Variants in SHB observed in about 807,000 individuals in gnomAD.
SHB encodes SH2 domain-containing adapter protein B.
In SHB, 20 loss-of-function variants were observed where a neutral mutation model predicts 52.3. The ratio of observed to expected loss-of-function variants is 0.38; its 90% CI spans 0.27 to 0.56. The LOEUF (loss-of-function observed/expected upper bound fraction) is 0.56, where lower values mean the gene tolerates loss of function less well. SHB is among the 20% of genes least tolerant of loss of function. The probability of loss-of-function intolerance (pLI) is 0.71; values close to 1 mark genes in which losing one functional copy is unlikely to be tolerated. For missense variants in SHB, 825 were observed against 723.3 expected (o/e 1.14, Z -1.61); for synonymous variants, 397 against 316.5 (o/e 1.25, Z -2.70).
At chr9:38,022,449 G>A (rs1415317980) in intron 1 of SHB, among the ~76,000 whole-genome samples, 1 of 152,228 alleles carries the variant, frequency 6.6e-6, no homozygotes, top group Non-Finnish European at 1.5e-5. Context: ...GAGAATGATG[G>A]CCTGGGGCTC....
At chr9:37,930,446 A>T (rs1005612910) in intron 5 of SHB, among the ~76,000 whole-genome samples, 1 of 151,916 alleles carries the variant, frequency 6.6e-6, no homozygotes, top group African/African-American at 2.4e-5. Context: ...CAGGGAGGGG[A>T]GAGGGGAAGG....
In SHB at chr9:37,927,852, G is replaced by A. The variant is rs557778873; in HGVS notation, c.1347-7848C>T. On this transcript the variant is annotated intron_variant, in intron 5 of 5. Transcript: ENST00000377707. ...GTGGAAACTGCAAGGAGGGCTGGAC[G>A]CAGAAGCGGAGGGGGATGGTGAAAT... Among the ~76,000 whole-genome samples the A allele has an allele frequency of 4.6e-5, 7 of 152,298 alleles. 1 individual carries two copies. The South Asian group carries it at 8.3e-4, about 18-fold the overall frequency.
intron 1 of SHB, among the ~76,000 whole-genome samples, chr9:38,051,328 A>G (rs1318852937): frequency 6.6e-6 from 1 of 151,902 alleles, no homozygotes; most frequent in Non-Finnish European, 1.5e-5. Context: ...CTGTAATCTC[A>G]GCTACTCGGG....
At chr9:37,963,543 G>C (rs1412274902) in intron 3 of SHB, among the ~76,000 whole-genome samples, 1 of 152,182 alleles carries the variant, frequency 6.6e-6, no homozygotes, top group African/African-American at 2.4e-5. Context: ...CAGAGTCAAG[G>C]TGCCCAAGGC....
intron 1 of SHB, among the ~76,000 whole-genome samples, chr9:38,065,864 T>C (rs903822788): frequency 2.6e-5 from 4 of 152,166 alleles, no homozygotes; most frequent in Admixed American, 2.0e-4. Context: ...TGCAGTTCCC[T>C]GAAGCACAGG....
At chr9:37,963,706 G>A (rs1283082347) in intron 3 of SHB, among the ~76,000 whole-genome samples, 1 of 152,280 alleles carries the variant, frequency 6.6e-6, no homozygotes, top group East Asian at 1.9e-4. Flanking sequence ...GCGACCCCAG[G>A]AAGGGGCAAG....
intron 1 of SHB, among the ~76,000 whole-genome samples, chr9:38,030,393 T>C (rs1220088423): frequency 6.6e-6 from 1 of 152,206 alleles, no homozygotes; most frequent in Non-Finnish European, 1.5e-5. Context: ...ACTGCTGCGA[T>C]TCCTCCCACT....
chr9:37,951,940 T>C (rs1196410052), intron 4 of SHB, among the ~76,000 whole-genome samples: 1 of 152,182 alleles, frequency 6.6e-6, no homozygotes, highest in Non-Finnish European at 1.5e-5. Context: ...ACGTAGGCCT[T>C]GCTTCACCTG....
chr9:38,035,956 G>A (rs1458108581), intron 1 of SHB, among the ~76,000 whole-genome samples: 3 of 152,094 alleles, frequency 2.0e-5, no homozygotes, highest in African/African-American at 7.2e-5. Context: ...ATCACTCTCT[G>A]GTCTCCAGCA....
chr9:37,974,928 G>C, intron 2 of SHB, 91 bp from the exon 3 acceptor site: 1 of 1,108,344 alleles, frequency 9.0e-7, no homozygotes, highest in South Asian at 1.3e-5. Context: ...ACTCAGAGCT[G>C]CCAGCGGGGA....
At chr9:37,948,242 C>T (rs973213069) in intron 5 of SHB, among the ~76,000 whole-genome samples, 1 of 152,198 alleles carries the variant, frequency 6.6e-6, no homozygotes, top group Non-Finnish European at 1.5e-5. Context: ...GCCACACCCA[C>T]CTCCGTGAAC....
chr9:37,932,130 A>C (rs1702648825), intron 5 of SHB, among the ~76,000 whole-genome samples: 1 of 151,810 alleles, frequency 6.6e-6, no homozygotes, highest in African/African-American at 2.4e-5. Context: ...AAAAATACAA[A>C]AATTAGCCAG....
chr9:38,037,044 C>G (rs1821498019), intron 1 of SHB, among the ~76,000 whole-genome samples: 2 of 152,220 alleles, frequency 1.3e-5, no homozygotes, highest in African/African-American at 4.8e-5. Context: ...GGGACTGGTG[C>G]AGGACCCCGC....
At chr9:37,998,694 G>C (rs910729038) in intron 2 of SHB, among the ~76,000 whole-genome samples, 3 of 152,186 alleles carry the variant, frequency 2.0e-5, no homozygotes, top group South Asian at 2.1e-4. Context: ...CTCAAGCTAT[G>C]CACCCTCCTC....
At chr9:37,944,540 A>C (rs1587203837) in intron 5 of SHB, among the ~76,000 whole-genome samples, 1 of 152,206 alleles carries the variant, frequency 6.6e-6, no homozygotes, top group South Asian at 2.1e-4. Flanking sequence ...CATGGCTGGG[A>C]GTCCCATGGC....
chr9:38,066,257 A>G (rs1409979796), intron 1 of SHB, among the ~76,000 whole-genome samples: 1 of 152,244 alleles, frequency 6.6e-6, no homozygotes, highest in Non-Finnish European at 1.5e-5. Context: ...AACCACTAGC[A>G]GTGGAAGAGA....
At chr9:37,997,036 C>T (rs1820955375) in intron 2 of SHB, among the ~76,000 whole-genome samples, 1 of 152,178 alleles carries the variant, frequency 6.6e-6, no homozygotes, top group African/African-American at 2.4e-5. Flanking sequence ...GGGAAGCTGA[C>T]AGGCAGGAGG....
intron 4 of SHB, among the ~76,000 whole-genome samples, chr9:37,950,522 T>C (rs1383963675): frequency 6.6e-6 from 1 of 152,176 alleles, no homozygotes; most frequent in Non-Finnish European, 1.5e-5. Flanking sequence ...TCAAAATACA[T>C]TCCTGTTTAC....
chr9:38,062,308 G>A (rs542763262), intron 1 of SHB, among the ~76,000 whole-genome samples: 157 of 152,208 alleles, frequency 1.0e-3, no homozygotes, highest in African/African-American at 3.6e-3. Flanking sequence ...TTCTTTATCC[G>A]GAATATGGGG....
Sources: gnomAD v4.1 joint callset for allele counts (sites outside exome capture counted in the v4.1 genomes callset) on GRCh38, gnomAD v4.1.1 for gene constraint, MANE v1.5 for transcripts, NCBI Gene and HGNC (gene_info 2026-07-23, HGNC 2026-07-21) for gene names.